Variants in CACNA1D observed in about 807,000 individuals in gnomAD.
CACNA1D encodes the protein voltage-dependent L-type calcium channel subunit alpha-1D.
Under a neutral mutation model 257.1 loss-of-function variants are expected in CACNA1D, and 55 were observed. That is an observed-to-expected ratio of 0.21 (90% confidence interval 0.17 to 0.27). The LOEUF is 0.27. Ranked by LOEUF, CACNA1D falls within the 10% of genes least tolerant of loss-of-function variation. CACNA1D has a pLI of 1.00. For missense variants in CACNA1D, 1,876 were observed against 2,784.0 expected, an observed-to-expected ratio of 0.67 and a Z score of 7.34; for synonymous variants, 980 against 1,014.9, an observed-to-expected ratio of 0.97 and a Z score of 0.65.
At chr3:53,614,675 A>G (rs1045950914) in intron 3 of CACNA1D, among the ~76,000 whole-genome samples, 2 of 152,210 alleles carry the variant, frequency 1.3e-5, no homozygotes, top group African/African-American at 4.8e-5. Flanking sequence ...CTTGGAATGG[A>G]GAGGTAATCA....
At chr3:53,732,557 G>A (rs1383640025) in intron 18 of CACNA1D, among the ~76,000 whole-genome samples, 1 of 152,122 alleles carries the variant, frequency 6.6e-6, no homozygotes, top group Non-Finnish European at 1.5e-5. Flanking sequence ...CCTTTCATCT[G>A]TGGTCAGATC....
intron 30 of CACNA1D, among the ~76,000 whole-genome samples, chr3:53,769,611 G>A (rs562969271): frequency 7.7e-4 from 117 of 152,342 alleles, no homozygotes; most frequent in African/African-American, 2.7e-3. Context: ...GCTGCAGAGC[G>A]GTTAGTTCCT....
intron 3 of CACNA1D, among the ~76,000 whole-genome samples, chr3:53,631,212 C>T (rs2093819624): frequency 6.6e-6 from 1 of 152,192 alleles, no homozygotes; most frequent in South Asian, 2.1e-4. Flanking sequence ...AGTAGAACTT[C>T]TCTCAAAATT....
At chr3:53,638,129 C>G (rs1328257592) in intron 3 of CACNA1D, among the ~76,000 whole-genome samples, 1 of 152,232 alleles carries the variant, frequency 6.6e-6, no homozygotes, top group Non-Finnish European at 1.5e-5. Flanking sequence ...CTGTTCTCCA[C>G]TGACCCACAG....
chr3:53,654,839 A>G (rs777372856), intron 4 of CACNA1D, among the ~76,000 whole-genome samples: 1 of 152,132 alleles, frequency 6.6e-6, no homozygotes, highest in African/African-American at 2.4e-5. Flanking sequence ...TAATAAGCCT[A>G]TTGTAGAGAT....
At chr3:53,736,758 G>A (rs2095061123) in intron 20 of CACNA1D, among the ~76,000 whole-genome samples, 1 of 152,028 alleles carries the variant, frequency 6.6e-6, no homozygotes, top group East Asian at 1.9e-4. Context: ...ACACGTATTG[G>A]CACATGCCTG....
chr3:53,643,845 G>C (rs564944039), intron 3 of CACNA1D, among the ~76,000 whole-genome samples: 1 of 152,094 alleles, frequency 6.6e-6, no homozygotes, highest in Non-Finnish European at 1.5e-5. Context: ...GCTTGCCTTC[G>C]TGCAGGCTCC....
chr3:53,723,777 C>T lies in CACNA1D; in HGVS notation c.1893-15C>T. ...CATGGGTGTTCTGAGCTGACACCCT[C>T]ATCTTGACTTATAGGCACTGGACTT... On this transcript the variant is annotated splice_polypyrimidine_tract_variant and intron_variant, in intron 13 of 47. Transcript: ENST00000350061. The surrounding 1 kb of genome is among the most constrained non-coding windows in gnomAD (Gnocchi z 5.6). The T allele has an allele frequency of 1.2e-6, 2 of 1,607,882 alleles. No homozygotes were observed. The highest frequency in any genetic ancestry group is 1.7e-6 in the Non-Finnish European group (2 of 1,174,318).
intron 8 of CACNA1D, among the ~76,000 whole-genome samples, chr3:53,686,992 G>A (rs570915663): frequency 6.6e-6 from 1 of 152,082 alleles, no homozygotes; most frequent in South Asian, 2.1e-4. Context: ...CTGTATACAA[G>A]CTGCAGGTGT....
At chr3:53,747,668 A>G (rs1035354568) in intron 26 of CACNA1D, among the ~76,000 whole-genome samples, 2 of 152,104 alleles carry the variant, frequency 1.3e-5, no homozygotes, top group African/African-American at 2.4e-5. Context: ...GCCTGGCAGC[A>G]TCTCTGGGTG....
At chr3:53,582,147 G>A (rs1280341569) in intron 3 of CACNA1D, among the ~76,000 whole-genome samples, 3 of 151,846 alleles carry the variant, frequency 2.0e-5, no homozygotes, top group Admixed American at 1.3e-4. Context: ...TTCGAGCATC[G>A]TGAAAAGAAG....
chr3:53,508,553 G>A (rs535108780), intron 3 of CACNA1D, among the ~76,000 whole-genome samples: 2 of 152,066 alleles, frequency 1.3e-5, no homozygotes, highest in African/African-American at 4.8e-5. Context: ...TTTAGCTCCC[G>A]CTTATAAGTG....
chr3:53,564,137 G>T (rs371888571), intron 3 of CACNA1D, among the ~76,000 whole-genome samples: 1 of 151,946 alleles, frequency 6.6e-6, no homozygotes, highest in Non-Finnish European at 1.5e-5. Context: ...TGAAGTGTCC[G>T]TTGAGTCTTA....
chr3:53,727,128 TA>T lies in CACNA1D; in HGVS notation c.2221+130del, dbSNP rs147500216. The T allele has an allele frequency of 4.6e-3, 4,820 of 1,037,312 alleles. 137 individuals carry two copies. The African/African-American group carries it at 0.063, about 14-fold the overall frequency. The allele number at this position is 1,037,312 out of a possible 1,614,324, so 64.3% of individuals were successfully genotyped here. On this transcript the variant is annotated intron_variant, in intron 15 of 47. Coordinates refer to ENST00000350061, the MANE Select transcript of CACNA1D (RefSeq NM_001128840.3). ...AGGGAGGTAAATGCCTTTACCTTATTAGCTCAATATCTGCTTTTCTTCCATG... is the reference window on the plus strand; with the variant it reads ...AGGGAGGTAAATGCCTTTACCTTATTGCTCAATATCTGCTTTTCTTCCATG...
At chr3:53,693,852 A>G (rs576809496) in intron 8 of CACNA1D, among the ~76,000 whole-genome samples, 1 of 152,100 alleles carries the variant, frequency 6.6e-6, no homozygotes, top group Non-Finnish European at 1.5e-5. Context: ...TTGCATGTGT[A>G]TGTAAATATC....
intron 37 of CACNA1D, among the ~76,000 whole-genome samples, chr3:53,779,703 C>T (rs771188941): frequency 2.6e-5 from 4 of 152,148 alleles, no homozygotes; most frequent in Non-Finnish European, 5.9e-5. Flanking sequence ...TGTGGGCCCT[C>T]ATCAACAGAA....
rs532079340 is a variant in CACNA1D at position 53,800,731 on chromosome 3, G to A, written c.5041-327G>A. The A allele has an allele frequency of 5.5e-5, 28 of 504,980 alleles. No individual in the cohort carries two copies. The East Asian group carries it at 9.0e-4, about 16-fold the overall frequency. 31.3% of individuals were successfully genotyped at this position (504,980 alleles called of 1,614,324 possible). A position where few individuals can be genotyped will look rare whatever the true frequency, so the allele number is the denominator to read the frequency against. On this transcript the variant is annotated intron_variant, in intron 41 of 47. Coordinates refer to ENST00000350061, the MANE Select transcript of CACNA1D (RefSeq NM_001128840.3). The surrounding 1 kb of genome is among the most constrained non-coding windows in gnomAD (Gnocchi z 4.3). Reference sequence around the variant, plus strand: ...CTGCCAGCTGGCTGTCAGTCCCCCAGCCCAGAGAGCATGCCCAACCTTGGG... The same window carrying A: ...CTGCCAGCTGGCTGTCAGTCCCCCAACCCAGAGAGCATGCCCAACCTTGGG...
At chr3:53,690,645 G>T (rs1175523766) in intron 8 of CACNA1D, among the ~76,000 whole-genome samples, 1 of 152,196 alleles carries the variant, frequency 6.6e-6, no homozygotes, top group Non-Finnish European at 1.5e-5. Flanking sequence ...TCACAGGGTG[G>T]TTTCCGTGGC....
At chr3:53,739,827 CT>C (rs1441432362) in intron 20 of CACNA1D, among the ~76,000 whole-genome samples, 4 of 152,230 alleles carry the variant, frequency 2.6e-5, no homozygotes, top group African/African-American at 9.6e-5. Context: ...ACAGATGCCG[CT>C]GCCATCTTCA....
Sources: allele counts gnomAD v4.1 joint callset (sites outside exome capture counted in the v4.1 genomes callset), GRCh38; gene constraint gnomAD v4.1.1; non-coding constraint Gnocchi (gnomAD v3.1); transcripts MANE v1.5; gene names NCBI Gene and HGNC (gene_info 2026-07-23, HGNC 2026-07-21).